COBLL1: variants seen among roughly 807,000 people sequenced by gnomAD.
COBLL1 encodes the protein cordon-bleu WH2 repeat protein like 1.
A neutral mutation model predicts 94.8 loss-of-function variants in COBLL1; 50 were observed. The ratio of observed to expected loss-of-function variants is 0.53; its 90% confidence interval spans 0.42 to 0.67. COBLL1 has a LOEUF of 0.67. Ranked by LOEUF, COBLL1 falls within the 30% of genes least tolerant of loss-of-function variation. COBLL1 has a pLI of 0.00. For missense variants in COBLL1, 1,362 were observed against 1,348.7 expected, an observed-to-expected ratio of 1.01 and a Z score of -0.15; for synonymous variants, 448 against 473.8, an observed-to-expected ratio of 0.95 and a Z score of 0.71.
chr2:164,733,224 T>C (rs1359035395), intron 3 of COBLL1, among the ~76,000 whole-genome samples: 1 of 152,180 alleles, frequency 6.6e-6, no homozygotes, highest in Non-Finnish European at 1.5e-5. Flanking sequence ...TGTAGAAACA[T>C]TGGTATTTCT....
rs536308837 is a variant in COBLL1 at position 164,831,507 on chromosome 2, A to T, written c.41+9649T>A. On this transcript the variant is annotated intron_variant, in intron 2 of 13. Coordinates refer to ENST00000652658, the MANE Select transcript of COBLL1 (RefSeq NM_001365672.2). ...GCTGATGTTTTTTTCTACCACTTTC[A>T]GCTTTGCTCTCCTGAAGCACAGAAA... Among the ~76,000 whole-genome samples, 78 of 151,706 alleles carry T rather than the reference A, an allele frequency of 5.1e-4. 1 individual carries two copies. Among genetic ancestry groups the T allele is most frequent in the Non-Finnish European group, 9.3e-4 (63 of 67,954 alleles).
chr2:164,692,101 C>A (rs1683632115), intron 13 of COBLL1, 120 bp downstream of exon 13: 1 of 830,490 alleles, frequency 1.2e-6, no homozygotes. Flanking sequence ...TTCAAAGACA[C>A]AGAAGAGTAA....
At chr2:164,805,365 A>ATATATATAAATATAT (rs1684093746) in intron 2 of COBLL1, among the ~76,000 whole-genome samples, 1 of 115,050 alleles carries the variant, frequency 8.7e-6, no homozygotes, top group African/African-American at 3.5e-5. Flanking sequence ...ATATATATAA[A>ATATATATAAATATAT]ACTAAAGTTC....
In COBLL1 at chr2:164,684,230, A is replaced by T. The variant is rs968657387; in HGVS notation, c.*1716T>A. On this transcript the variant is annotated 3_prime_UTR_variant, in exon 14 of 14. Transcript: ENST00000652658. ...GTAAGAATAATGTGCTGATATTTCT[A>T]TTAGGTAGACTTATCATGAGTTGTA... 5 of 151,970 alleles carry T rather than the reference A, an allele frequency of 3.3e-5. No individual in the cohort carries two copies. The highest frequency in any genetic ancestry group is 7.2e-5 in the African/African-American group (3 of 41,380). 9.4% of individuals were successfully genotyped at this position (151,970 alleles called of 1,614,324 possible). A position where few individuals can be genotyped will look rare whatever the true frequency, so the allele number is the denominator to read the frequency against.
Position 164,787,780 on chromosome 2 carries a change from T to A in COBLL1, c.42-43905A>T, listed in dbSNP as rs554280389. On this transcript the variant is annotated intron_variant, in intron 2 of 13. Coordinates refer to ENST00000652658, the MANE Select transcript of COBLL1 (RefSeq NM_001365672.2). ...CTTCCAGCTTATATGGCTCATAACATCCCAACTTGTATTTACTATAATAAT... is the reference window on the plus strand; with the variant it reads ...CTTCCAGCTTATATGGCTCATAACAACCCAACTTGTATTTACTATAATAAT... Among the ~76,000 whole-genome samples, 12 of 152,292 alleles carry A rather than the reference T, an allele frequency of 7.9e-5. No individual in the cohort carries two copies. In the South Asian group the frequency reaches 2.1e-3, roughly 26 times the overall value.
intron 9 of COBLL1, chr2:164,703,496 A>G: frequency 2.5e-6 from 1 of 398,572 alleles, no homozygotes; most frequent in Non-Finnish European, 4.8e-6. Flanking sequence ...GTGGAAAAAA[A>G]TGGTGCCATT....
chr2:164,690,697 T>G (rs1181064753), intron 13 of COBLL1, among the ~76,000 whole-genome samples: 1 of 152,176 alleles, frequency 6.6e-6, no homozygotes, highest in Non-Finnish European at 1.5e-5. Context: ...GATATACCAC[T>G]GTATCTCAGG....
chr2:164,838,782 T>G (rs1448867004), intron 2 of COBLL1, among the ~76,000 whole-genome samples: 1 of 152,236 alleles, frequency 6.6e-6, no homozygotes, highest in Non-Finnish European at 1.5e-5. Context: ...TAAACTAGGC[T>G]TCATTGTCTA....
intron 2 of COBLL1, among the ~76,000 whole-genome samples, chr2:164,830,969 T>G (rs1415819122): frequency 6.6e-6 from 1 of 152,224 alleles, no homozygotes; most frequent in Non-Finnish European, 1.5e-5. Context: ...GCTTACCCAC[T>G]TTCAGAGAAA....
At chr2:164,773,360 G>A (rs1219480503) in intron 2 of COBLL1, among the ~76,000 whole-genome samples, 1 of 152,066 alleles carries the variant, frequency 6.6e-6, no homozygotes, top group Admixed American at 6.6e-5. Flanking sequence ...TTTCCAGTAA[G>A]AACATAATGA....
At chr2:164,717,256 TCTAAAATTCA>T (rs1685216589) in intron 7 of COBLL1, among the ~76,000 whole-genome samples, 2 of 152,318 alleles carry the variant, frequency 1.3e-5, no homozygotes, top group Admixed American at 1.3e-4. Flanking sequence ...AATAAAAGTG[TCTAAAATTCA>T]CATACTTAGA....
chr2:164,815,319 A>G (rs1253683404), intron 2 of COBLL1, among the ~76,000 whole-genome samples: 3 of 151,778 alleles, frequency 2.0e-5, no homozygotes, highest in Admixed American at 2.0e-4. Context: ...GAATTCCTTG[A>G]ACCCAGGAGG....
chr2:164,686,981 C>T (rs377416616), intron 13 of COBLL1, among the ~76,000 whole-genome samples: 3 of 152,130 alleles, frequency 2.0e-5, no homozygotes, highest in South Asian at 2.1e-4. Context: ...GGCTTCCTTG[C>T]GCTTCGCTTT....
At chr2:164,668,648 A>AT (rs1489759747) in intron 1 of COBLL1, among the ~76,000 whole-genome samples, 1 of 152,246 alleles carries the variant, frequency 6.6e-6, no homozygotes, top group Non-Finnish European at 1.5e-5. Context: ...GTGAAGTGCA[A>AT]TTAAGCAAAG....
At chr2:164,801,438 C>CAAAAAAAAAAAAAA (rs143505097) in intron 2 of COBLL1, among the ~76,000 whole-genome samples, 4 of 28,210 alleles carry the variant, frequency 1.4e-4, no homozygotes, top group Admixed American at 7.9e-4. Context: ...GACTCCGTCT[C>CAAAAAAAAAAAAAA]AAAAAAAAAA....
At chr2:164,818,211 T>C (rs987847480) in intron 2 of COBLL1, among the ~76,000 whole-genome samples, 3 of 151,160 alleles carry the variant, frequency 2.0e-5, no homozygotes, top group Non-Finnish European at 4.4e-5. Context: ...CATATGTGTG[T>C]ATATATACAT....
At chr2:164,842,076 G>T, upstream of COBLL1, 1 of 1,463,404 alleles carries the variant, frequency 6.8e-7, no homozygotes, top group Non-Finnish European at 9.2e-7. Flanking sequence ...CCGGAGAGAG[G>T]AACGGGGCGG....
At chr2:164,821,528 A>C (rs1330228336) in intron 2 of COBLL1, among the ~76,000 whole-genome samples, 1 of 152,118 alleles carries the variant, frequency 6.6e-6, no homozygotes, top group Non-Finnish European at 1.5e-5. Context: ...AAGCGATAAA[A>C]CCCAAGCCAT....
Position 164,728,082 on chromosome 2 carries a change from T to C in COBLL1, c.548A>G (p.Asp183Gly). 6 of 1,613,736 alleles carry C rather than the reference T, an allele frequency of 3.7e-6. No individual in the cohort carries two copies. Among genetic ancestry groups the C allele is most frequent in the Non-Finnish European group, 5.1e-6 (6 of 1,179,672 alleles). ...APIICSKCEFDPLHTLLLKDY... is the reference protein window; with the variant it reads ...APIICSKCEFGPLHTLLLKDY... ...TTTCAACAATAGTGTATGCAACGGA[T>C]CAAACTCACATTTGCTACATATAAT... The change falls in exon 5 of 14, where the codon GAT becomes GGT. Residue 183 changes from aspartate to glycine, a missense_variant. Physicochemically the swap from Asp to Gly is moderately conservative, Grantham distance 94. Coordinates refer to ENST00000652658, the MANE Select transcript of COBLL1 (RefSeq NM_001365672.2).
Sources: allele counts gnomAD v4.1 joint callset (sites outside exome capture counted in the v4.1 genomes callset), GRCh38; gene constraint gnomAD v4.1.1; transcripts MANE v1.5; gene names NCBI Gene and HGNC (gene_info 2026-07-23, HGNC 2026-07-21).